Variants in SORBS2 observed in about 807,000 individuals in gnomAD.
The protein encoded by SORBS2 is sorbin and SH3 domain containing 2.
SORBS2 carries 46 observed loss-of-function variants against 97.7 expected under a neutral mutation model. The observed-to-expected ratio is 0.47, with a 90% CI of 0.37 to 0.60. The LOEUF is 0.60. Among genes scored for constraint, SORBS2 ranks in the 20% least tolerant of loss-of-function variants. The pLI, the probability that SORBS2 is intolerant of heterozygous loss-of-function variation, is 0.00. For synonymous variants in SORBS2, 476 were observed against 473.4 expected (o/e 1.01, Z -0.07); for missense variants, 1,316 against 1,282.3 (o/e 1.03, Z -0.40).
intron 4 of SORBS2, among the ~76,000 whole-genome samples, chr4:185,676,105 T>A (rs1462957986): frequency 6.6e-6 from 1 of 152,232 alleles, no homozygotes; most frequent in African/African-American, 2.4e-5. Context: ...GCTGCTACTA[T>A]TATATCTTTT....
chr4:185,936,309 T>C (rs1032954877), intron 1 of SORBS2, among the ~76,000 whole-genome samples: 5 of 152,196 alleles, frequency 3.3e-5, no homozygotes, highest in African/African-American at 1.2e-4. Flanking sequence ...TCACCCACCC[T>C]CCATCCCTGC....
intron 2 of SORBS2, among the ~76,000 whole-genome samples, chr4:185,690,874 G>A (rs2098080536): frequency 2.7e-5 from 4 of 149,172 alleles, no homozygotes; most frequent in African/African-American, 9.9e-5. Flanking sequence ...TGAAAATGGA[G>A]ACGTTTTGTG....
At chr4:185,674,090 G>A (rs1323849677) in intron 4 of SORBS2, among the ~76,000 whole-genome samples, 2 of 152,104 alleles carry the variant, frequency 1.3e-5, no homozygotes, top group African/African-American at 4.8e-5. Context: ...CCATCGACTA[G>A]CCAATGGCTG....
chr4:185,620,213 C>A, intron 7 of SORBS2, 62 bp from the exon 20 acceptor site: 1 of 1,108,516 alleles, frequency 9.0e-7, no homozygotes, highest in South Asian at 1.3e-5. Context: ...CAACCTGTTC[C>A]GCCATTTTCC....
chr4:185,915,056 T>C (rs2099257340), intron 1 of SORBS2, among the ~76,000 whole-genome samples: 1 of 152,218 alleles, frequency 6.6e-6, no homozygotes, highest in Admixed American at 6.5e-5. Flanking sequence ...TGAAGGACTT[T>C]AGGGAAAACA....
chr4:185,664,746 T>G (rs939899746), intron 4 of SORBS2, among the ~76,000 whole-genome samples: 8 of 152,250 alleles, frequency 5.3e-5, no homozygotes, highest in African/African-American at 1.9e-4. Context: ...ATATGGCTTA[T>G]TATAACATTT....
At chr4:185,691,895 C>A (rs1314889399) in intron 2 of SORBS2, among the ~76,000 whole-genome samples, 1 of 152,194 alleles carries the variant, frequency 6.6e-6, no homozygotes, top group Admixed American at 6.5e-5. Context: ...CAGGCACCCG[C>A]CACCACGCTC....
chr4:185,689,977 T>C (rs2098061032), intron 2 of SORBS2, among the ~76,000 whole-genome samples: 1 of 152,234 alleles, frequency 6.6e-6, no homozygotes, highest in African/African-American at 2.4e-5. Context: ...AAAGTTCATA[T>C]GTACAAAGCA....
At chr4:185,842,434 A>G (rs1443320257) in intron 1 of SORBS2, among the ~76,000 whole-genome samples, 1 of 152,158 alleles carries the variant, frequency 6.6e-6, no homozygotes, top group Non-Finnish European at 1.5e-5. Flanking sequence ...CTTCTTAGCC[A>G]TGGTAAGGAG....
Position 185,666,143 on chromosome 4 carries a change from T to A in SORBS2, c.-45-3901A>T, listed in dbSNP as rs1263694191. 2.3e-6 allele frequency: 3 copies of A among 1,289,740 alleles called. No homozygotes were observed. The South Asian group carries it at 3.7e-5, about 16-fold the overall frequency. 79.9% of individuals were successfully genotyped at this position (1,289,740 alleles called of 1,614,324 possible). ...CACGGAGGAGAAGCTTCTGGTGTGG[T>A]TTGTCTGTGTGTCTGTGAAGCATTT... On this transcript the variant is annotated intron_variant, in intron 4 of 20. Transcript: ENST00000284776.
chr4:185,777,794 A>AG (rs1288360411), intron 1 of SORBS2, among the ~76,000 whole-genome samples: 1 of 152,028 alleles, frequency 6.6e-6, no homozygotes, highest in Non-Finnish European at 1.5e-5. Context: ...TACAAAAAAA[A>AG]AAGGTGAATG....
chr4:185,719,778 A>C (rs1337789952), intron 2 of SORBS2, among the ~76,000 whole-genome samples: 1 of 152,258 alleles, frequency 6.6e-6, no homozygotes, highest in Non-Finnish European at 1.5e-5. Context: ...TTGCCTGTAT[A>C]ACTGGATTCT....
At chr4:185,797,824 T>C (rs1310112205) in intron 1 of SORBS2, among the ~76,000 whole-genome samples, 2 of 152,150 alleles carry the variant, frequency 1.3e-5, no homozygotes, top group African/African-American at 4.8e-5. Flanking sequence ...AGACGCACCA[T>C]CCAGCCTGCA....
intron 1 of SORBS2, among the ~76,000 whole-genome samples, chr4:185,804,641 C>A (rs890672453): frequency 2.6e-5 from 4 of 152,126 alleles, no homozygotes; most frequent in Admixed American, 2.6e-4. Flanking sequence ...CCAGATTTTT[C>A]ATTAAAAGTT....
intron 1 of SORBS2, among the ~76,000 whole-genome samples, chr4:185,909,914 G>A: frequency 6.6e-6 from 1 of 151,146 alleles, no homozygotes. Context: ...AACCCGGGAG[G>A]CGGAGGTTGA....
upstream of SORBS2, among the ~76,000 whole-genome samples, chr4:185,661,283 A>G (rs929183879): frequency 1.3e-5 from 2 of 151,960 alleles, no homozygotes; most frequent in African/African-American, 4.8e-5. Context: ...CTTGAAAAAA[A>G]AAAAAAAAGT....
intron 4 of SORBS2, among the ~76,000 whole-genome samples, chr4:185,640,103 A>T (rs928335796): frequency 6.6e-6 from 1 of 152,222 alleles, no homozygotes; most frequent in East Asian, 1.9e-4. Context: ...ATAAAAGATT[A>T]TAGGAGTAAT....
chr4:185,746,171 G>A (rs753870267), intron 2 of SORBS2, among the ~76,000 whole-genome samples: 4 of 152,142 alleles, frequency 2.6e-5, no homozygotes, highest in African/African-American at 7.2e-5. Flanking sequence ...GGACTCACTC[G>A]CGACAGAATT....
chr4:185,711,931 G>T (rs1339778291), intron 2 of SORBS2, among the ~76,000 whole-genome samples: 1 of 152,072 alleles, frequency 6.6e-6, no homozygotes, highest in Non-Finnish European at 1.5e-5. Context: ...TCTATCAAGA[G>T]CATCACCATT....
Sources: allele counts gnomAD v4.1 joint callset (sites outside exome capture counted in the v4.1 genomes callset), GRCh38; gene constraint gnomAD v4.1.1; transcripts MANE v1.5; gene names NCBI Gene and HGNC (gene_info 2026-07-23, HGNC 2026-07-21).